Variants in RSPO3 observed in about 807,000 individuals in gnomAD.
RSPO3 encodes the protein R-spondin-3.
In RSPO3, 17 loss-of-function variants were observed where a neutral mutation model predicts 36.5. The ratio of observed to expected loss-of-function variants is 0.47; its 90% CI spans 0.32 to 0.70. The LOEUF (loss-of-function observed/expected upper bound fraction) is 0.70, where lower values mean the gene tolerates loss of function less well. Ranked by LOEUF, RSPO3 falls within the 30% of genes least tolerant of loss-of-function variation. The pLI is 0.04. For missense variants in RSPO3, 294 were observed against 322.5 expected (o/e 0.91, Z 0.68); for synonymous variants, 108 against 107.0 (o/e 1.01, Z -0.06).
At chr6:127,134,368 T>C (rs1330665912) in intron 1 of RSPO3, among the ~76,000 whole-genome samples, 2 of 152,234 alleles carry the variant, frequency 1.3e-5, no homozygotes, top group Admixed American at 6.5e-5. Context: ...CTAATTTCTA[T>C]AGCTGAACTT....
intron 4 of RSPO3, among the ~76,000 whole-genome samples, chr6:127,168,001 A>G (rs2114612059): frequency 6.6e-6 from 1 of 152,198 alleles, no homozygotes; most frequent in South Asian, 2.1e-4. Context: ...TTCTTAATCC[A>G]GTCTGTCATT....
intron 1 of RSPO3, among the ~76,000 whole-genome samples, chr6:127,136,500 G>T (rs1582789205): frequency 6.6e-6 from 1 of 152,126 alleles, no homozygotes. Flanking sequence ...GTATCATTTT[G>T]CCCATTATCA....
intron 3 of RSPO3, 106 bp from the exon 4 acceptor site, chr6:127,155,135 C>T (rs530242825): frequency 1.9e-6 from 2 of 1,062,332 alleles, no homozygotes; most frequent in South Asian, 2.8e-5. Context: ...CTGCAAGATT[C>T]TTCTCAAATG....
intron 4 of RSPO3, among the ~76,000 whole-genome samples, chr6:127,173,951 T>C (rs1774993816): frequency 6.6e-6 from 1 of 151,902 alleles, no homozygotes; most frequent in South Asian, 2.1e-4. Flanking sequence ...AACATGAAAA[T>C]TGTACAGCGT....
intron 1 of RSPO3, among the ~76,000 whole-genome samples, chr6:127,128,838 T>C (rs1773994820): frequency 6.6e-6 from 1 of 152,184 alleles, no homozygotes; most frequent in African/African-American, 2.4e-5. Context: ...GCTGGCTTCA[T>C]AGAATAAGAA....
Position 127,158,759 on chromosome 6 carries a change from C to T in RSPO3, c.634+3321C>T, listed in dbSNP as rs73775207. On this transcript the variant is annotated intron_variant, in intron 4 of 4. Coordinates refer to ENST00000356698, the MANE Select transcript of RSPO3 (RefSeq NM_032784.5). ...GATAAATTTAATTGTTGTATCCTTA[C>T]ATTTAAATTATCTCATGTATTTGTT... Among the ~76,000 whole-genome samples the T allele has an allele frequency of 4.6e-3, 704 of 152,174 alleles. 5 individuals are homozygous for T. Among genetic ancestry groups the T allele is most frequent in the African/African-American group, 0.016 (658 of 41,548 alleles).
intron 1 of RSPO3, among the ~76,000 whole-genome samples, chr6:127,138,909 A>C (rs924056223): frequency 6.6e-6 from 1 of 152,146 alleles, no homozygotes; most frequent in Non-Finnish European, 1.5e-5. Context: ...CCAGACTCTA[A>C]ATGAGTGCAG....
chr6:127,191,939 C>T (rs941170618), intron 4 of RSPO3, among the ~76,000 whole-genome samples: 1 of 152,148 alleles, frequency 6.6e-6, no homozygotes, highest in East Asian at 1.9e-4. Flanking sequence ...TCTGATCAAA[C>T]CAAGGAAGTT....
At chr6:127,159,808 C>A (rs1415555667) in intron 4 of RSPO3, among the ~76,000 whole-genome samples, 1 of 151,896 alleles carries the variant, frequency 6.6e-6, no homozygotes, top group Non-Finnish European at 1.5e-5. Flanking sequence ...GCTGCCACAC[C>A]TGGCTAATTT....
intron 4 of RSPO3, among the ~76,000 whole-genome samples, chr6:127,171,286 A>T (rs747983682): frequency 5.3e-5 from 8 of 151,668 alleles, no homozygotes; most frequent in Non-Finnish European, 1.0e-4. Flanking sequence ...CAGAAGGAAA[A>T]ATATATCAGT....
At chr6:127,131,704 T>C (rs1450116244) in intron 1 of RSPO3, among the ~76,000 whole-genome samples, 3 of 152,120 alleles carry the variant, frequency 2.0e-5, no homozygotes, top group African/African-American at 7.2e-5. Flanking sequence ...GCTGCATTTA[T>C]CTTGGCAGAT....
At chr6:127,180,505 A>C (rs1222794084) in intron 4 of RSPO3, among the ~76,000 whole-genome samples, 30 of 149,880 alleles carry the variant, frequency 2.0e-4, no homozygotes, top group African/African-American at 6.1e-4. Context: ...AAAAAAAAAA[A>C]AAAAAAAAAA....
intron 1 of RSPO3, among the ~76,000 whole-genome samples, chr6:127,142,846 T>C (rs1774305548): frequency 6.6e-6 from 1 of 152,034 alleles, no homozygotes; most frequent in Non-Finnish European, 1.5e-5. Flanking sequence ...AGACAAGGTA[T>C]CTCTCTGTCA....
intron 4 of RSPO3, among the ~76,000 whole-genome samples, chr6:127,188,671 A>G (rs533040862): frequency 1.3e-5 from 2 of 152,234 alleles, no homozygotes; most frequent in African/African-American, 2.4e-5. Flanking sequence ...AAATAAAAAG[A>G]AAGAGAATAG....
chr6:127,190,057 T>C (rs1345243243), intron 4 of RSPO3, among the ~76,000 whole-genome samples: 5 of 152,160 alleles, frequency 3.3e-5, no homozygotes, highest in Admixed American at 1.3e-4. Flanking sequence ...TACATTATAA[T>C]TGCCCCCACA....
intron 4 of RSPO3, among the ~76,000 whole-genome samples, chr6:127,165,709 C>T (rs1774808940): frequency 6.6e-6 from 1 of 152,034 alleles, no homozygotes; most frequent in Middle Eastern, 3.4e-3. Context: ...ACTGTTTCTT[C>T]TCATGTTCAT....
intron 1 of RSPO3, among the ~76,000 whole-genome samples, chr6:127,122,195 T>A (rs1773859231): frequency 6.6e-6 from 1 of 152,236 alleles, no homozygotes; most frequent in African/African-American, 2.4e-5. Context: ...AAACTAGTGA[T>A]CCTAGTTATT....
intron 1 of RSPO3, among the ~76,000 whole-genome samples, chr6:127,121,420 G>T (rs772089926): frequency 8.5e-5 from 13 of 152,208 alleles, no homozygotes; most frequent in Admixed American, 2.0e-4. Flanking sequence ...TGTTTGTGTT[G>T]AGGGGATGAA....
chr6:127,186,370 C>A (rs1775294336), intron 4 of RSPO3, among the ~76,000 whole-genome samples: 1 of 152,090 alleles, frequency 6.6e-6, no homozygotes, highest in Admixed American at 6.6e-5. Context: ...CTAACTTTCA[C>A]TATGCTCAGT....
Sources: gnomAD v4.1 joint callset for allele counts (sites outside exome capture counted in the v4.1 genomes callset) on GRCh38, gnomAD v4.1.1 for gene constraint, MANE v1.5 for transcripts, NCBI Gene and HGNC (gene_info 2026-07-23, HGNC 2026-07-21) for gene names.